The following PKMYT1 variants were observed in gnomAD, a reference collection of about 807,000 sequenced individuals.
The protein encoded by PKMYT1 is membrane-associated tyrosine- and threonine-specific cdc2-inhibitory kinase.
A neutral mutation model predicts 49.7 loss-of-function variants in PKMYT1; 35 were observed. The observed-to-expected ratio is 0.70, with a 90% confidence interval of 0.54 to 0.93. The LOEUF is 0.93. Among genes scored for constraint, PKMYT1 ranks in the 40% least tolerant of loss-of-function variants. The pLI, the probability that PKMYT1 is intolerant of heterozygous loss-of-function variation, is 0.00. For missense variants in PKMYT1, 677 were observed against 673.1 expected (o/e 1.01, Z -0.06); for synonymous variants, 331 against 287.6 (o/e 1.15, Z -1.53).
chr16:2,973,289 T>C (rs1345150094), intron 7 of PKMYT1, 74 bp from the exon 8 acceptor site: 4 of 1,503,712 alleles, frequency 2.7e-6, no homozygotes, highest in Middle Eastern at 3.5e-4. Context: ...TCTGTCCCTG[T>C]GCAGGCTCCA....
intron 7 of PKMYT1, chr16:2,973,742 G>A (rs1401387370): frequency 3.5e-6 from 2 of 573,214 alleles, no homozygotes; most frequent in East Asian, 3.1e-5. Flanking sequence ...AGCCTCCACT[G>A]GGGTCGGGGC....
In PKMYT1 at chr16:2,975,794, C is replaced by T. The variant is rs762539396; in HGVS notation, c.397G>A (p.Gly133Ser). 2.3e-5 allele frequency: 37 copies of T among 1,595,064 alleles called. No individual in the cohort carries two copies. The highest frequency in any genetic ancestry group is 6.7e-5 in the Admixed American group (4 of 59,800). Reference protein sequence around the residue: ...EVFKVRSKEDGRLYAVKRSMS... With the variant: ...EVFKVRSKEDSRLYAVKRSMS... ...GAACGCTTTACCGCATAGAGCCGGC[C>T]GTCCTCCTTGGAGCGCACCTGGAAG... The change falls in exon 4 of 9, where the codon GGC becomes AGC. Residue 133 changes from glycine to serine, a missense_variant. By Grantham distance (56) the Gly-to-Ser change is moderately conservative. Transcript: ENST00000262300.
intron 2 of PKMYT1, 191 bp downstream of exon 2, chr16:2,979,457 G>C: frequency 1.7e-6 from 1 of 605,820 alleles, no homozygotes; most frequent in Non-Finnish European, 3.0e-6. Flanking sequence ...CCATCTTGTG[G>C]AGACTCTTCC....
In PKMYT1 at chr16:2,978,640, C is replaced by G. The variant is rs188198999; in HGVS notation, c.10+1008G>C. Among the ~76,000 whole-genome samples the G allele has an allele frequency of 4.3e-3, 648 of 150,786 alleles. 18 individuals carry two copies. Among genetic ancestry groups the G allele is most frequent in the Admixed American group, 0.038 (581 of 15,170 alleles). ...GTGCATGCCTGTAGTCCCAGCTACT[C>G]GGGAGGCTGAGGCAGGGGAATTGCT... On this transcript the variant is annotated intron_variant, in intron 2 of 8. Coordinates refer to ENST00000262300, the MANE Select transcript of PKMYT1 (RefSeq NM_004203.5).
At chr16:2,977,804 C>T (rs2072239447) in intron 2 of PKMYT1, among the ~76,000 whole-genome samples, 1 of 152,214 alleles carries the variant, frequency 6.6e-6, no homozygotes, top group African/African-American at 2.4e-5. Context: ...AGCTCCCCGT[C>T]AAGGGTTAGG....
At chr16:2,978,134 A>T (rs2072248496) in intron 2 of PKMYT1, among the ~76,000 whole-genome samples, 1 of 152,198 alleles carries the variant, frequency 6.6e-6, no homozygotes, top group Non-Finnish European at 1.5e-5. Flanking sequence ...GTTCCACAGC[A>T]TGGCTCAGAC....
At chr16:2,973,379 CA>C in intron 7 of PKMYT1, 164 bp from the exon 8 acceptor site, 1 of 1,539,884 alleles carries the variant, frequency 6.5e-7, no homozygotes, top group Non-Finnish European at 8.7e-7. Flanking sequence ...AGCACTTGGA[CA>C]GCCTTCAAAG....
intron 7 of PKMYT1, 53 bp downstream of exon 7, chr16:2,973,947 G>A (rs779412313): frequency 6.3e-5 from 99 of 1,564,672 alleles, no homozygotes; most frequent in African/African-American, 3.7e-4. Flanking sequence ...ATGGAGCCCC[G>A]GTGATATCCC....
chr16:2,973,253 G>A (rs1419382354), intron 7 of PKMYT1, 38 bp from the exon 8 acceptor site: 3 of 1,482,434 alleles, frequency 2.0e-6, no homozygotes, highest in East Asian at 2.4e-5. Context: ...GGTGTCCAGG[G>A]CTAGGGAGTG....
Position 2,972,947 on chromosome 16 carries a change from T to G in PKMYT1, c.*6A>C. 1.3e-6 allele frequency: 2 copies of G among 1,599,542 alleles called. No individual in the cohort carries two copies. Among genetic ancestry groups the G allele is most frequent in the Non-Finnish European group, 1.7e-6 (2 of 1,173,660 alleles). On this transcript the variant is annotated 3_prime_UTR_variant, in exon 9 of 9. Coordinates refer to ENST00000262300, the MANE Select transcript of PKMYT1 (RefSeq NM_004203.5). ...AGGTTAAAAGTGCAGAGGCAGAGTC[T>G]GGGGCTCAGGTTGGGTCTAGGGTGT...
rs747789800 is a variant in PKMYT1, at chr16:2,976,944, C to T, written c.98G>A (p.Arg33His). 9.0e-6 allele frequency: 14 copies of T among 1,550,456 alleles called. No individual in the cohort carries two copies. Among genetic ancestry groups the T allele is most frequent in the African/African-American group, 5.4e-5 (4 of 73,554 alleles). Reference sequence around the variant, plus strand: ...GAGGGAGAATCCAGGTTCTGCGTGGCGGAAGTAGGCTGGGACTGGGATGGG... The same window carrying T: ...GAGGGAGAATCCAGGTTCTGCGTGGTGGAAGTAGGCTGGGACTGGGATGGG... Reference protein sequence around the residue: ...GTPIPVPAYFRHAEPGFSLKR... With the variant: ...GTPIPVPAYFHHAEPGFSLKR... The change falls in exon 3 of 9, where the codon CGC becomes CAC. Residue 33 changes from arginine to histidine, a missense_variant. Coordinates refer to ENST00000262300, the MANE Select transcript of PKMYT1 (RefSeq NM_004203.5).
In PKMYT1 at chr16:2,979,697, A is replaced by C; in HGVS notation, c.-40T>G. 6.2e-7 allele frequency: 1 copy of C among 1,613,342 alleles called. No individual in the cohort carries two copies. Among genetic ancestry groups the C allele is most frequent in the Non-Finnish European group, 8.5e-7 (1 of 1,179,674 alleles). On this transcript the variant is annotated 5_prime_UTR_variant, in exon 2 of 9. Coordinates refer to ENST00000262300, the MANE Select transcript of PKMYT1 (RefSeq NM_004203.5). The stretch of plus-strand genomic sequence containing the variant: ...AACAGCCTCAGTGGTGGGACGGGGG[A>C]GGCAGGAGCAGGGGCTCCCACGTGA...
rs2072166904 is a variant in PKMYT1, at chr16:2,975,572, C to G, written c.619G>C (p.Glu207Gln). ...HCEAWGASLP[E>Q]AQVWGYLRDT... is the part of the protein sequence containing the mutation. ...CGCAGGTAGCCCCAGACCTGGGCCT[C>G]AGGCAGGCTGGCACCCCAGGCCTCA... The change falls in exon 4 of 9, where the codon GAG (glutamate) becomes CAG (glutamine). Residue 207 changes from glutamate to glutamine, a missense_variant. By Grantham distance (29) the Glu-to-Gln change is conservative. Coordinates refer to ENST00000262300, the MANE Select transcript of PKMYT1 (RefSeq NM_004203.5). 6.2e-7 allele frequency: 1 copy of G among 1,611,658 alleles called. No homozygotes were observed. The highest frequency in any genetic ancestry group is 8.5e-7 in the Non-Finnish European group (1 of 1,179,814).
rs974140765 is a variant in PKMYT1 at position 2,972,992 on chromosome 16, G to A, written c.1461C>T (p.Asn487=). 22 of 1,610,534 alleles carry A rather than the reference G, an allele frequency of 1.4e-5. No homozygotes were observed. The highest frequency in any genetic ancestry group is 1.8e-5 in the Non-Finnish European group (21 of 1,179,260). The change falls in exon 9 of 9, where the codon AAC becomes AAT. Residue 487 remains asparagine, a synonymous_variant. Coordinates refer to ENST00000262300, the MANE Select transcript of PKMYT1 (RefSeq NM_004203.5). ...GGGTGTCCTCAAACAGGCTGAGGAGGTTCCGAGGCTCAAAGGAGGGGAAGG... is the reference window on the plus strand; with the variant it reads ...GGGTGTCCTCAAACAGGCTGAGGAGATTCCGAGGCTCAAAGGAGGGGAAGG... ...RGSFPSFEPR[N]LLSLFEDTLD...
chr16:2,977,195 AGGACAGAT>A, intron 2 of PKMYT1, 164 bp from the exon 3 acceptor site: 1 of 1,454,442 alleles, frequency 6.9e-7, no homozygotes, highest in African/African-American at 1.4e-5. Flanking sequence ...GAAAAGGCAG[AGGACAGAT>A]TCATACTCAC....
In PKMYT1 at chr16:2,977,022, G is replaced by A. The variant is rs1289758845; in HGVS notation, c.20C>T (p.Ala7Val). Residue 7 changes from alanine to valine, a missense_variant, in exon 3 of 9, where the codon GCA (alanine) becomes GTA (valine). Ala to Val is a moderately conservative substitution (Grantham distance 64). Transcript: ENST00000262300. MLERPP[A>V]LAMPMPTEGT... is the part of the protein sequence containing the mutation. ...CTCCGTGGGCATGGGCATGGCCAGT[G>A]CAGGAGGCCCTGGGGGCAGAGACAG... 3 of 1,587,916 alleles carry A rather than the reference G, an allele frequency of 1.9e-6. No homozygotes were observed. Among genetic ancestry groups the A allele is most frequent in the Non-Finnish European group, 2.6e-6 (3 of 1,172,756 alleles).
chr16:2,974,685 G>C, intron 4 of PKMYT1, 29 bp from the exon 5 acceptor site: 1 of 1,468,144 alleles, frequency 6.8e-7, no homozygotes, highest in African/African-American at 1.4e-5. Context: ...GGACAGAAAG[G>C]GGCAGGGTTG....
intron 4 of PKMYT1, 29 bp downstream of exon 4, chr16:2,975,290 C>A: frequency 1.3e-6 from 2 of 1,572,324 alleles, no homozygotes; most frequent in South Asian, 1.1e-5. Flanking sequence ...CCACAGCCTG[C>A]CAAACACCTG....
Position 2,972,922 on chromosome 16 carries a change from A to C in PKMYT1, c.*31T>G. Reference sequence around the variant, plus strand: ...GGCGACGGGAGAGACACAGGATAAAAGGTTAAAAGTGCAGAGGCAGAGTCT... The same window carrying C: ...GGCGACGGGAGAGACACAGGATAAACGGTTAAAAGTGCAGAGGCAGAGTCT... On this transcript the variant is annotated 3_prime_UTR_variant, in exon 9 of 9. Transcript: ENST00000262300. 1 of 1,577,402 alleles carries C rather than the reference A, an allele frequency of 6.3e-7. No individual in the cohort carries two copies. The highest frequency in any genetic ancestry group is 8.6e-7 in the Non-Finnish European group (1 of 1,160,718).
Sources: gnomAD v4.1 joint callset for allele counts (sites outside exome capture counted in the v4.1 genomes callset) on GRCh38, gnomAD v4.1.1 for gene constraint, MANE v1.5 for transcripts, NCBI Gene and HGNC (gene_info 2026-07-23, HGNC 2026-07-21) for gene names.